MSI2: variants seen among roughly 807,000 people sequenced by gnomAD.
The protein encoded by MSI2 is RNA-binding protein Musashi homolog 2.
In MSI2, 17 loss-of-function variants were observed where a neutral mutation model predicts 45.6. The observed-to-expected ratio is 0.37, with a 90% CI of 0.26 to 0.56. The LOEUF (loss-of-function observed/expected upper bound fraction) is 0.56. Ranked by LOEUF, MSI2 falls within the 20% of genes least tolerant of loss-of-function variation. MSI2 has a pLI of 0.77. For synonymous variants in MSI2, 156 were observed against 158.2 expected, an observed-to-expected ratio of 0.99 and a Z score of 0.11; for missense variants, 293 against 444.2, an observed-to-expected ratio of 0.66 and a Z score of 3.06.
rs958365081 is a variant in MSI2 at position 57,472,486 on chromosome 17, C to T, written c.406-57190C>T. Among the ~76,000 whole-genome samples, 3 of 121,774 alleles carry T rather than the reference C, an allele frequency of 2.5e-5. No homozygotes were observed. The South Asian group carries it at 9.2e-4, about 37-fold the overall frequency. The allele number at this position is 121,774 out of a possible 152,430, so 79.9% of individuals were successfully genotyped here. On this transcript the variant is annotated intron_variant, in intron 6 of 13. Transcript: ENST00000284073. ...GGGGGAGGGGCAATGCCTTCTGACC[C>T]CTAATTGAAGGTGATGGGAAGGGAG... is the stretch of plus-strand genomic sequence containing the variant.
At chr17:57,686,787 A>G (rs891273098), downstream of MSI2, among the ~76,000 whole-genome samples, 12 of 151,192 alleles carry the variant, frequency 7.9e-5, no homozygotes, top group African/African-American at 1.2e-4. Context: ...AGAACTTGAT[A>G]AAAAATAAAA....
intron 6 of MSI2, among the ~76,000 whole-genome samples, chr17:57,490,891 T>TG (rs1247833492): frequency 1.2e-4 from 8 of 69,080 alleles, no homozygotes; most frequent in Non-Finnish European, 1.5e-4. Context: ...TCTTCCCCTC[T>TG]GTTTTTTTCT....
chr17:57,353,362 T>C (rs1455342422), intron 5 of MSI2, among the ~76,000 whole-genome samples: 1 of 152,126 alleles, frequency 6.6e-6, no homozygotes, highest in Admixed American at 6.6e-5. Flanking sequence ...GATGGAGGCT[T>C]GATTGATTCG....
rs561835122 is a variant in MSI2 at position 57,543,431 on chromosome 17, G to T, written c.454+13707G>T. 2.6e-5 allele frequency among the ~76,000 whole-genome samples: 4 copies of T among 152,330 alleles called. No individual in the cohort carries two copies. The South Asian group carries it at 6.2e-4, about 24-fold the overall frequency. On this transcript the variant is annotated intron_variant, in intron 7 of 13. Transcript: ENST00000284073. ...GGTTGCAGCCCTGGAAGGCTGGGGG[G>T]ACGGCACGCTTTAGCCAGGGGTCTG...
rs902670654 is a variant in MSI2 at position 57,529,904 on chromosome 17, G to A, written c.454+180G>A. ...CAGTAGCACAAAGAGTTCCAGTACT[G>A]GATAGCTGAAAAACCATTTCCTTCT... On this transcript the variant is annotated intron_variant, in intron 7 of 13. Transcript: ENST00000284073. The surrounding 1 kb of genome is among the most constrained non-coding windows in gnomAD (Gnocchi z 5.3). Among the ~76,000 whole-genome samples, 2 of 152,084 alleles carry A rather than the reference G, an allele frequency of 1.3e-5. No individual in the cohort carries two copies. The highest frequency in any genetic ancestry group is 2.4e-5 in the African/African-American group (1 of 41,404).
At chr17:57,449,921 G>T (rs1474437420) in intron 6 of MSI2, 1 of 152,168 alleles carries the variant, frequency 6.6e-6, no homozygotes, top group Non-Finnish European at 1.5e-5. Context: ...AGCTACTCGG[G>T]AGGCTGAGGC....
intron 6 of MSI2, among the ~76,000 whole-genome samples, chr17:57,512,623 G>A (rs748996568): frequency 7.2e-5 from 11 of 152,294 alleles, no homozygotes; most frequent in Admixed American, 1.3e-4. Flanking sequence ...ATCTCATGTC[G>A]GCACAAGCCT....
intron 7 of MSI2, among the ~76,000 whole-genome samples, chr17:57,563,695 G>A (rs1237797324): frequency 1.3e-5 from 2 of 149,038 alleles, no homozygotes; most frequent in Non-Finnish European, 3.0e-5. Flanking sequence ...CTGTCTGTCT[G>A]TCTGTCTGTC....
At chr17:57,450,210 T>A (rs2084971692) in intron 6 of MSI2, 1 of 137,576 alleles carries the variant, frequency 7.3e-6, no homozygotes, top group Admixed American at 7.1e-5. Flanking sequence ...AAGATTTATT[T>A]CCTTCTGGGG....
chr17:57,648,583 G>T (rs1221915150), intron 10 of MSI2, among the ~76,000 whole-genome samples: 1 of 152,130 alleles, frequency 6.6e-6, no homozygotes, highest in Non-Finnish European at 1.5e-5. Flanking sequence ...AAGCTATGTT[G>T]AGGAGGGACC....
intron 6 of MSI2, among the ~76,000 whole-genome samples, chr17:57,431,818 C>T (rs2143387794): frequency 6.6e-6 from 1 of 152,312 alleles, no homozygotes; most frequent in East Asian, 1.9e-4. Flanking sequence ...GGGAGGGACC[C>T]CACTTCACTC....
chr17:57,623,813 C>A (rs551988064), intron 9 of MSI2, among the ~76,000 whole-genome samples: 1 of 152,304 alleles, frequency 6.6e-6, no homozygotes, highest in African/African-American at 2.4e-5. Flanking sequence ...GTGGCTGGGG[C>A]TGTGAACCAT....
Position 57,437,624 on chromosome 17 carries a change from G to A in MSI2, c.405+36153G>A, listed in dbSNP as rs16958386. 3.5e-3 allele frequency among the ~76,000 whole-genome samples: 536 copies of A among 152,246 alleles called. 9 individuals carry two copies. The highest frequency in any genetic ancestry group is 0.028 in the Admixed American group (432 of 15,292). On this transcript the variant is annotated intron_variant, in intron 6 of 13. Transcript: ENST00000284073. Reference sequence around the variant, plus strand: ...TTTGTCCTTGGCTCTCTTTTCTTCCGTATGGGACAGGGATGCATTTTTGGT... The same window carrying A: ...TTTGTCCTTGGCTCTCTTTTCTTCCATATGGGACAGGGATGCATTTTTGGT...
chr17:57,366,432 C>G (rs912211335), intron 5 of MSI2, among the ~76,000 whole-genome samples: 1 of 152,220 alleles, frequency 6.6e-6, no homozygotes, highest in Non-Finnish European at 1.5e-5. Context: ...ATTCATAACT[C>G]TGACCACATG....
chr17:57,276,249 C>G (rs1483920018), intron 5 of MSI2, among the ~76,000 whole-genome samples: 1 of 152,272 alleles, frequency 6.6e-6, no homozygotes, highest in Middle Eastern at 3.4e-3. Flanking sequence ...AGTTATGGGC[C>G]GTGTGGAGTT....
At chr17:57,488,548 C>T (rs540134132) in intron 6 of MSI2, among the ~76,000 whole-genome samples, 5 of 152,198 alleles carry the variant, frequency 3.3e-5, no homozygotes, top group African/African-American at 9.6e-5. Flanking sequence ...CCTGGCCGGG[C>T]GCAGTGGCTC....
chr17:57,365,976 G>T (rs941107666), intron 5 of MSI2, among the ~76,000 whole-genome samples: 9 of 152,080 alleles, frequency 5.9e-5, no homozygotes, highest in African/African-American at 1.9e-4. Flanking sequence ...CAGTGGGTGT[G>T]ATATCGACTC....
chr17:57,452,317 C>T (rs115653988), intron 6 of MSI2, among the ~76,000 whole-genome samples: 2,808 of 152,348 alleles, frequency 0.018, 84 homozygotes, highest in African/African-American at 0.058. Context: ...GCAGGTGACC[C>T]GCAGTCAGCC....
chr17:57,511,457 T>C (rs2086353769), intron 6 of MSI2, among the ~76,000 whole-genome samples: 2 of 152,200 alleles, frequency 1.3e-5, no homozygotes, highest in South Asian at 4.1e-4. Context: ...CTTTCCTTCC[T>C]GCGTGCCTTG....
Sources: allele counts gnomAD v4.1 joint callset (sites outside exome capture counted in the v4.1 genomes callset), GRCh38; gene constraint gnomAD v4.1.1; non-coding constraint Gnocchi (gnomAD v3.1); transcripts MANE v1.5; gene names NCBI Gene and HGNC (gene_info 2026-07-23, HGNC 2026-07-21).